Variants in DIP2C observed in about 807,000 individuals in gnomAD.
The protein encoded by DIP2C is DIP2 acetate--CoA ligase C (putative), also known as disco-interacting protein 2 homolog C.
In DIP2C, 33 loss-of-function variants were observed where a neutral mutation model predicts 192.4. The observed-to-expected ratio is 0.17, with a 90% CI of 0.13 to 0.23. The LOEUF is 0.23. Among genes scored for constraint, DIP2C ranks in the 10% least tolerant of loss-of-function variants. The pLI, the probability that DIP2C is intolerant of heterozygous loss-of-function variation, is 1.00. For missense variants in DIP2C, 1,537 were observed against 2,110.1 expected (o/e 0.73, Z 5.32); for synonymous variants, 979 against 864.1 (o/e 1.13, Z -2.33).
intron 1 of DIP2C, among the ~76,000 whole-genome samples, chr10:513,087 T>C (rs971110005): frequency 2.6e-5 from 4 of 152,218 alleles, no homozygotes; most frequent in African/African-American, 7.2e-5. Flanking sequence ...CCAAGTTTCA[T>C]GCTAAAAGCA....
chr10:651,851 C>T lies in DIP2C; in HGVS notation c.85+37643G>A, dbSNP rs1056813069. 9.6e-6 allele frequency: 2 copies of T among 209,220 alleles called. No individual in the cohort carries two copies. The highest frequency in any genetic ancestry group is 1.4e-4 in the East Asian group (1 of 7,290). 13.0% of individuals were successfully genotyped at this position (209,220 alleles called of 1,614,324 possible). ...TGGGGCGAAACCAATGGGGAAACTA[C>T]AAAAGAAACCACCTGCTACTGCAAA... On this transcript the variant is annotated intron_variant, in intron 1 of 36. Transcript: ENST00000280886. The surrounding 1 kb of genome is among the most constrained non-coding windows in gnomAD (Gnocchi z 4.1).
At chr10:657,384 C>G (rs28673946) in intron 1 of DIP2C, among the ~76,000 whole-genome samples, 1 of 35,296 alleles carries the variant, frequency 2.8e-5, no homozygotes, top group Non-Finnish European at 5.9e-5. Flanking sequence ...TGGACCTGAC[C>G]CTGGACCTGC....
At chr10:470,754 G>A (rs897236541) in intron 3 of DIP2C, among the ~76,000 whole-genome samples, 2 of 152,216 alleles carry the variant, frequency 1.3e-5, no homozygotes, top group Non-Finnish European at 1.5e-5. Context: ...GGCCAAAGAT[G>A]GGCTTGCATC....
chr10:676,518 C>T (rs1830883021), intron 1 of DIP2C, among the ~76,000 whole-genome samples: 1 of 150,384 alleles, frequency 6.6e-6, no homozygotes, highest in South Asian at 2.1e-4. Context: ...AAAAAAAAGA[C>T]TCCAGCAAAA....
rs1855949689 is a variant in DIP2C, at chr10:652,048, T to C, written c.85+37446A>G. On this transcript the variant is annotated intron_variant, in intron 1 of 36. Transcript: ENST00000280886. The surrounding 1 kb of genome is among the most constrained non-coding windows in gnomAD (Gnocchi z 4.5). ...TTCTCCCTGAGTTTGGTTGAAAAAATTCACATATAAGTTGACCCACAAAGC... is the reference window on the plus strand; with the variant it reads ...TTCTCCCTGAGTTTGGTTGAAAAAACTCACATATAAGTTGACCCACAAAGC... 6.3e-6 allele frequency: 1 copy of C among 158,402 alleles called. No individual in the cohort carries two copies. The highest frequency in any genetic ancestry group is 1.4e-5 in the Non-Finnish European group (1 of 72,316). The allele number at this position is 158,402 out of a possible 1,614,324, so 9.8% of individuals were successfully genotyped here. A position where few individuals can be genotyped will look rare whatever the true frequency, so the allele number is the denominator to read the frequency against.
intron 1 of DIP2C, chr10:650,964 A>G: frequency 1.4e-6 from 1 of 717,390 alleles, no homozygotes; most frequent in South Asian, 1.5e-5. Context: ...TTTCTCTTCC[A>G]AAGCCGGCAC....
intron 1 of DIP2C, among the ~76,000 whole-genome samples, chr10:516,130 T>C (rs1846333033): frequency 6.7e-6 from 1 of 149,614 alleles, no homozygotes. Flanking sequence ...TCTGTACCTT[T>C]GTCCTCCATC....
At position 578,944 on chromosome 10, in the gene DIP2C, C is replaced by T. The variant is rs549851566; in HGVS notation, c.86-92414G>A. ...ACATAGGCACACTGTAACATGTGTA[C>T]GTGCATAGAGCATTCACACATCCAG... On this transcript the variant is annotated intron_variant, in intron 1 of 36. Transcript: ENST00000280886. 5.0e-4 allele frequency among the ~76,000 whole-genome samples: 76 copies of T among 152,122 alleles called. 1 individual carries two copies. The highest frequency in any genetic ancestry group is 1.7e-3 in the African/African-American group (72 of 41,490).
chr10:682,225 C>T (rs1259743004), intron 1 of DIP2C, among the ~76,000 whole-genome samples: 4 of 152,236 alleles, frequency 2.6e-5, no homozygotes, highest in Non-Finnish European at 4.4e-5. Flanking sequence ...GCTGGGCACA[C>T]TGGGGCCTCT....
At chr10:372,567 T>C (rs1261836255) in intron 17 of DIP2C, among the ~76,000 whole-genome samples, 1 of 152,252 alleles carries the variant, frequency 6.6e-6, no homozygotes, top group Non-Finnish European at 1.5e-5. Context: ...CCTTCCACTG[T>C]ACATTTATTC....
chr10:339,148 C>T (rs938141396), intron 29 of DIP2C, among the ~76,000 whole-genome samples: 9 of 152,090 alleles, frequency 5.9e-5, no homozygotes, highest in South Asian at 2.1e-4. Context: ...ATTCTCTTCC[C>T]AGACCTGCTG....
At chr10:517,615 C>T (rs753276438) in intron 1 of DIP2C, among the ~76,000 whole-genome samples, 2 of 152,302 alleles carry the variant, frequency 1.3e-5, no homozygotes, top group South Asian at 2.1e-4. Context: ...ACCATATGGA[C>T]GCCTTCCAAG....
intron 31 of DIP2C, 117 bp from the exon 32 acceptor site, chr10:310,209 A>G: frequency 9.9e-7 from 1 of 1,007,122 alleles, no homozygotes; most frequent in Non-Finnish European, 1.5e-6. Flanking sequence ...AATAAAACTA[A>G]AAACACTTAG....
intron 14 of DIP2C, among the ~76,000 whole-genome samples, chr10:385,446 C>A (rs1962812228): frequency 6.6e-6 from 1 of 152,198 alleles, no homozygotes. Flanking sequence ...AACAGATCGT[C>A]ATTTTCAACA....
At chr10:387,869 T>G in intron 13 of DIP2C, 60 bp from the exon 14 acceptor site, 1 of 1,547,858 alleles carries the variant, frequency 6.5e-7, no homozygotes, top group East Asian at 2.2e-5. Flanking sequence ...CAGATCAAAA[T>G]GCAAACAAAA....
At chr10:278,310 G>A (rs941620843) in intron 36 of DIP2C, among the ~76,000 whole-genome samples, 1 of 152,262 alleles carries the variant, frequency 6.6e-6, no homozygotes, top group South Asian at 2.1e-4. Flanking sequence ...GCGCCTGAGT[G>A]GGGGTGTGTT....
intron 3 of DIP2C, among the ~76,000 whole-genome samples, chr10:454,521 C>T (rs1160049330): frequency 8.2e-6 from 1 of 121,628 alleles, no homozygotes; most frequent in Non-Finnish European, 1.5e-5. Context: ...AGCATCAGCA[C>T]CTATCAAACC....
intron 1 of DIP2C, among the ~76,000 whole-genome samples, chr10:512,268 G>GA (rs1162482425): frequency 3.3e-5 from 5 of 152,144 alleles, no homozygotes; most frequent in South Asian, 4.2e-4. Flanking sequence ...TCCTGGAAGG[G>GA]AAAAAAATGG....
At chr10:292,879 C>G (rs1484091803) in intron 32 of DIP2C, among the ~76,000 whole-genome samples, 1 of 152,224 alleles carries the variant, frequency 6.6e-6, no homozygotes, top group Non-Finnish European at 1.5e-5. Context: ...CATGCAAAGG[C>G]GGATGAGCAC....
Sources: allele counts gnomAD v4.1 joint callset (sites outside exome capture counted in the v4.1 genomes callset), GRCh38; gene constraint gnomAD v4.1.1; non-coding constraint Gnocchi (gnomAD v3.1); transcripts MANE v1.5; gene names NCBI Gene and HGNC (gene_info 2026-07-23, HGNC 2026-07-21).